The following VPS13D variants were observed in gnomAD, a reference collection of about 807,000 sequenced individuals.
VPS13D encodes intermembrane lipid transfer protein VPS13D.
A neutral mutation model predicts 461.9 loss-of-function variants in VPS13D; 187 were observed. The ratio of observed to expected loss-of-function variants is 0.40; its 90% CI spans 0.36 to 0.46. The LOEUF (loss-of-function observed/expected upper bound fraction) is 0.46. VPS13D is among the 20% of genes least tolerant of loss of function. VPS13D has a pLI of 0.60. For synonymous variants in VPS13D, 1,951 were observed against 1,986.3 expected, an observed-to-expected ratio of 0.98 and a Z score of 0.47; for missense variants, 4,711 against 5,364.9, an observed-to-expected ratio of 0.88 and a Z score of 3.81.
intron 66 of VPS13D, among the ~76,000 whole-genome samples, chr1:12,456,659 A>G (rs1645333649): frequency 6.7e-6 from 1 of 148,304 alleles, no homozygotes; most frequent in Admixed American, 6.8e-5. Context: ...AAAAAAAAAA[A>G]AGAAAAGGCT....
chr1:12,435,598 TG>T (rs1645049776), intron 65 of VPS13D, among the ~76,000 whole-genome samples: 1 of 152,178 alleles, frequency 6.6e-6, no homozygotes, highest in African/African-American at 2.4e-5. Flanking sequence ...ATGAGGATAC[TG>T]ACGTTCAGAG....
intron 68 of VPS13D, among the ~76,000 whole-genome samples, chr1:12,498,471 T>C (rs373496752): frequency 1.9e-3 from 291 of 152,298 alleles, no homozygotes; most frequent in Middle Eastern, 0.014. Flanking sequence ...CATAGTTTCA[T>C]GGTAGTATTT....
At chr1:12,233,257 C>T (rs1315434308) in intron 1 of VPS13D, among the ~76,000 whole-genome samples, 5 of 152,198 alleles carry the variant, frequency 3.3e-5, no homozygotes, top group African/African-American at 7.2e-5. Context: ...CCACCTGCCT[C>T]GGCCTCCCAA....
chr1:12,296,702 C>T lies in VPS13D; in HGVS notation c.6034-2500C>T, dbSNP rs201727466. On this transcript the variant is annotated intron_variant, in intron 24 of 69. Transcript: ENST00000620676. ...ATTATGTTTACAGTATTGATTCCTA[C>T]AAATGGTACTGTTTTATCAAAGTTA... 2.6e-5 allele frequency among the ~76,000 whole-genome samples: 4 copies of T among 151,958 alleles called. No individual in the cohort carries two copies. In the East Asian group the frequency reaches 7.7e-4, roughly 29 times the overall value.
Position 12,506,937 on chromosome 1 carries a change from G to A in VPS13D, c.12879G>A (p.Val4293=). 17 of 1,614,248 alleles carry A rather than the reference G, an allele frequency of 1.1e-5. No individual in the cohort carries two copies. The highest frequency in any genetic ancestry group is 1.4e-5 in the Non-Finnish European group (17 of 1,180,054). Residue 4293 remains valine (V), a synonymous_variant, in exon 69 of 70, where the codon GTG becomes GTA. Transcript: ENST00000620676. ...ACTTCCTGAAAAGTGGAGACTACGT[G>A]GATCGAGAAGCCATTTTCCTAGAAG... The part of the protein sequence containing the change: ...AVYFLKSGDY[V]DREAIFLEVK...
At chr1:12,435,777 G>A (rs929244572) in intron 65 of VPS13D, among the ~76,000 whole-genome samples, 2 of 151,860 alleles carry the variant, frequency 1.3e-5, no homozygotes, top group African/African-American at 4.8e-5. Flanking sequence ...ATGTAAGGCT[G>A]TATTATCAAG....
At chr1:12,452,730 C>T (rs1033836049) in intron 65 of VPS13D, among the ~76,000 whole-genome samples, 1 of 152,218 alleles carries the variant, frequency 6.6e-6, no homozygotes, top group Admixed American at 6.5e-5. Flanking sequence ...GGTTTAGTTT[C>T]TGTAAAACGT....
At chr1:12,377,552 GCTCAT>G (rs1464891546) in intron 55 of VPS13D, among the ~76,000 whole-genome samples, 2 of 151,934 alleles carry the variant, frequency 1.3e-5, no homozygotes, top group Admixed American at 1.3e-4. Context: ...AGGCACGGTA[GCTCAT>G]GCCTTTAATC....
chr1:12,405,159 C>G (rs1447094613), intron 63 of VPS13D, among the ~76,000 whole-genome samples: 4 of 152,212 alleles, frequency 2.6e-5, no homozygotes, highest in Non-Finnish European at 5.9e-5. Context: ...CCAGGAGTGC[C>G]TGCTCCATCT....
chr1:12,307,565 C>T (rs1395519679), intron 26 of VPS13D, among the ~76,000 whole-genome samples: 2 of 152,150 alleles, frequency 1.3e-5, no homozygotes, highest in Non-Finnish European at 2.9e-5. Context: ...GTGATCTTGG[C>T]TCACTGCAAC....
At chr1:12,261,371 TA>T (rs1489248510) in intron 12 of VPS13D, among the ~76,000 whole-genome samples, 5 of 152,218 alleles carry the variant, frequency 3.3e-5, no homozygotes, top group Admixed American at 6.5e-5. Flanking sequence ...GCAGAGCGTG[TA>T]AAAGAACTAA....
At chr1:12,250,844 G>A (rs942185993) in intron 6 of VPS13D, among the ~76,000 whole-genome samples, 1 of 152,272 alleles carries the variant, frequency 6.6e-6, no homozygotes, top group African/African-American at 2.4e-5. Flanking sequence ...AGGTTTATTA[G>A]ATCCCAGCCA....
chr1:12,323,632 T>G (rs1643102179), intron 34 of VPS13D, 74 bp from the exon 35 acceptor site: 25 of 1,458,114 alleles, frequency 1.7e-5, no homozygotes, highest in Non-Finnish European at 2.4e-5. Flanking sequence ...TTTCTTTTCT[T>G]TTTTTCTAAA....
chr1:12,398,515 C>G (rs77881205), intron 60 of VPS13D, among the ~76,000 whole-genome samples: 3,322 of 152,212 alleles, frequency 0.022, 62 homozygotes, highest in African/African-American at 0.038. Flanking sequence ...TGGAAAGTAC[C>G]TGCAGATGGT....
chr1:12,413,359 C>T (rs1036348822), intron 63 of VPS13D, among the ~76,000 whole-genome samples: 1 of 151,844 alleles, frequency 6.6e-6, no homozygotes, highest in Non-Finnish European at 1.5e-5. Flanking sequence ...TGGTATGTAC[C>T]TGTAGGGGGA....
intron 58 of VPS13D, among the ~76,000 whole-genome samples, chr1:12,384,741 TC>T (rs1644328539): frequency 6.6e-6 from 1 of 152,110 alleles, no homozygotes; most frequent in Middle Eastern, 3.2e-3. Flanking sequence ...CACCTCAGCC[TC>T]CCGAATAGCT....
At chr1:12,437,830 G>C (rs1267993827) in intron 65 of VPS13D, among the ~76,000 whole-genome samples, 1 of 152,144 alleles carries the variant, frequency 6.6e-6, no homozygotes, top group Admixed American at 6.5e-5. Flanking sequence ...TTTGAGCCCT[G>C]ATGTTTTCCC....
At chr1:12,377,686 G>A (rs2101640105) in intron 55 of VPS13D, among the ~76,000 whole-genome samples, 1 of 151,930 alleles carries the variant, frequency 6.6e-6, no homozygotes, top group East Asian at 2.0e-4. Flanking sequence ...CAGGCGTGAT[G>A]GTGCATGCCT....
At chr1:12,395,996 G>GATAGATATATAT (rs1553187935) in intron 60 of VPS13D, among the ~76,000 whole-genome samples, 1 of 73,806 alleles carries the variant, frequency 1.4e-5, no homozygotes, top group Non-Finnish European at 2.3e-5. Flanking sequence ...ACTAATAGGA[G>GATAGATATATAT]ATATATATAT....
Sources: gnomAD v4.1 joint callset for allele counts (sites outside exome capture counted in the v4.1 genomes callset) on GRCh38, gnomAD v4.1.1 for gene constraint, MANE v1.5 for transcripts, NCBI Gene and HGNC (gene_info 2026-07-23, HGNC 2026-07-21) for gene names.